PCSK2: variants seen among roughly 807,000 people sequenced by gnomAD.
PCSK2 encodes neuroendocrine convertase 2.
PCSK2 carries 14 observed loss-of-function variants against 69.7 expected under a neutral mutation model. The observed-to-expected ratio is 0.20, with a 90% confidence interval of 0.13 to 0.31. The LOEUF (loss-of-function observed/expected upper bound fraction) is 0.31. PCSK2 is among the 10% of genes least tolerant of loss of function. The probability of loss-of-function intolerance (pLI) is 1.00; values close to 1 mark genes in which losing one functional copy is unlikely to be tolerated. For missense variants in PCSK2, 544 were observed against 842.5 expected, an observed-to-expected ratio of 0.65 and a Z score of 4.39; for synonymous variants, 307 against 320.7, an observed-to-expected ratio of 0.96 and a Z score of 0.46.
intron 5 of PCSK2, among the ~76,000 whole-genome samples, chr20:17,370,327 G>A (rs1026795061): frequency 2.6e-4 from 39 of 152,272 alleles, no homozygotes; most frequent in African/African-American, 8.2e-4. Flanking sequence ...CCTGGAAGGC[G>A]AGTGTCTCTA....
intron 11 of PCSK2, 111 bp from the exon 12 acceptor site, chr20:17,481,473 T>C (rs1203444641): frequency 1.9e-5 from 17 of 895,410 alleles, no homozygotes; most frequent in East Asian, 9.8e-5. Context: ...CCAGGTCTGA[T>C]TGATCAACCC....
intron 11 of PCSK2, among the ~76,000 whole-genome samples, chr20:17,469,061 T>C (rs112918479): frequency 4.6e-5 from 7 of 152,318 alleles, no homozygotes; most frequent in African/African-American, 1.7e-4. Context: ...AAGTCCCAAG[T>C]GATGTTACAA....
At chr20:17,355,562 C>G (rs888471366) in intron 2 of PCSK2, among the ~76,000 whole-genome samples, 1 of 152,100 alleles carries the variant, frequency 6.6e-6, no homozygotes, top group Admixed American at 6.5e-5. Flanking sequence ...ATGGGTGTAT[C>G]TGATGGCTAT....
intron 11 of PCSK2, among the ~76,000 whole-genome samples, chr20:17,473,186 C>T (rs936368847): frequency 1.3e-5 from 2 of 150,174 alleles, no homozygotes; most frequent in Non-Finnish European, 3.0e-5. Context: ...CTCCGCCTCC[C>T]GCGTTCAAGC....
chr20:17,331,942 T>C (rs951902048), intron 2 of PCSK2, among the ~76,000 whole-genome samples: 2 of 152,134 alleles, frequency 1.3e-5, no homozygotes, highest in South Asian at 2.1e-4. Context: ...TAGAAGCTCT[T>C]CTATTATCAA....
At chr20:17,420,366 T>A (rs2123322372) in intron 6 of PCSK2, among the ~76,000 whole-genome samples, 1 of 152,346 alleles carries the variant, frequency 6.6e-6, no homozygotes, top group East Asian at 1.9e-4. Flanking sequence ...TTCAAAGACA[T>A]AGTCTTTTTC....
chr20:17,266,510 T>C (rs1987608589), intron 2 of PCSK2, among the ~76,000 whole-genome samples: 1 of 152,208 alleles, frequency 6.6e-6, no homozygotes, highest in African/African-American at 2.4e-5. Context: ...CATGCATAAG[T>C]TCCACTTTGC....
chr20:17,348,204 A>C (rs1017369459), intron 2 of PCSK2, among the ~76,000 whole-genome samples: 2 of 152,194 alleles, frequency 1.3e-5, no homozygotes, highest in Non-Finnish European at 1.5e-5. Flanking sequence ...TGCATTTAGG[A>C]CACACTTAGG....
At chr20:17,407,797 G>A (rs16999102) in intron 5 of PCSK2, among the ~76,000 whole-genome samples, 12,950 of 152,134 alleles carry the variant, frequency 0.085, 633 homozygotes, top group Middle Eastern at 0.22. Context: ...CTCTCTGAAA[G>A]CCAAGTGTTG....
intron 11 of PCSK2, among the ~76,000 whole-genome samples, chr20:17,471,123 G>A (rs142526559): frequency 1.3e-5 from 2 of 152,260 alleles, no homozygotes; most frequent in Admixed American, 6.5e-5. Context: ...GGAGCACCGC[G>A]GGAGAGAAGG....
At chr20:17,249,639 T>C (rs1471518233) in intron 1 of PCSK2, among the ~76,000 whole-genome samples, 4 of 151,952 alleles carry the variant, frequency 2.6e-5, no homozygotes, top group African/African-American at 9.7e-5. Flanking sequence ...CCAAATGTGG[T>C]ATACAGGGTG....
intron 1 of PCSK2, among the ~76,000 whole-genome samples, chr20:17,234,681 A>G (rs750399756): frequency 2.0e-5 from 3 of 152,192 alleles, no homozygotes; most frequent in Non-Finnish European, 4.4e-5. Context: ...TCTCAATTGA[A>G]TGAATATCTA....
intron 2 of PCSK2, among the ~76,000 whole-genome samples, chr20:17,283,453 A>C (rs1988394389): frequency 6.6e-6 from 1 of 152,224 alleles, no homozygotes; most frequent in Non-Finnish European, 1.5e-5. Context: ...AATGAAGGTT[A>C]CACACAGAAA....
chr20:17,402,412 TC>T (rs1432171529), intron 5 of PCSK2, among the ~76,000 whole-genome samples: 1 of 152,188 alleles, frequency 6.6e-6, no homozygotes, highest in Non-Finnish European at 1.5e-5. Context: ...ATGCCTGTAA[TC>T]CCAGCACTTT....
chr20:17,454,016 TG>T, intron 9 of PCSK2, 59 bp downstream of exon 9: 1 of 1,598,768 alleles, frequency 6.3e-7, no homozygotes, highest in Non-Finnish European at 8.5e-7. Context: ...TGTGTCAGGG[TG>T]GGATGCTGGG....
chr20:17,278,793 T>C (rs1046585101), intron 2 of PCSK2, among the ~76,000 whole-genome samples: 1 of 152,066 alleles, frequency 6.6e-6, no homozygotes, highest in Non-Finnish European at 1.5e-5. Flanking sequence ...GGTGTGTGGA[T>C]TGCTTGAGCC....
intron 2 of PCSK2, among the ~76,000 whole-genome samples, chr20:17,264,543 T>G (rs1217366885): frequency 2.0e-5 from 3 of 152,220 alleles, no homozygotes; most frequent in Non-Finnish European, 4.4e-5. Flanking sequence ...GTTCTGGTAG[T>G]GATCTGTTTT....
intron 2 of PCSK2, among the ~76,000 whole-genome samples, chr20:17,337,668 G>A (rs745876541): frequency 9.2e-5 from 14 of 151,978 alleles, no homozygotes; most frequent in African/African-American, 2.2e-4. Flanking sequence ...ACTCAGGCCC[G>A]TATCACAACA....
At chr20:17,239,841 CTTTTTTTTT>C (rs869179656) in intron 1 of PCSK2, among the ~76,000 whole-genome samples, 27 of 68,660 alleles carry the variant, frequency 3.9e-4, no homozygotes, top group African/African-American at 1.7e-3. Context: ...GGTGAAAACA[CTTTTTTTTT>C]TTTTTTTTTT....
Sources: gnomAD v4.1 joint callset for allele counts (sites outside exome capture counted in the v4.1 genomes callset) on GRCh38, gnomAD v4.1.1 for gene constraint, MANE v1.5 for transcripts, NCBI Gene and HGNC (gene_info 2026-07-23, HGNC 2026-07-21) for gene names.